Variants in ZNF728 observed in about 807,000 individuals in gnomAD.
The protein encoded by ZNF728 is zinc finger protein 728.
Under a neutral mutation model 12.5 loss-of-function variants are expected in ZNF728, and 12 were observed. The ratio of observed to expected loss-of-function variants is 0.96; its 90% CI spans 0.61 to 1.55. The LOEUF is 1.55. Ranked by LOEUF, ZNF728 falls within the 40% of genes most tolerant of loss-of-function variation. The pLI, the probability that ZNF728 is intolerant of heterozygous loss-of-function variation, is 0.00. For missense variants in ZNF728, 692 were observed against 719.2 expected (o/e 0.96, Z 0.43); for synonymous variants, 205 against 240.7 (o/e 0.85, Z 1.37).
At chr19:22,995,761 T>G (rs1969043165) in intron 1 of ZNF728, 1 of 152,260 alleles carries the variant, frequency 6.6e-6, no homozygotes, top group South Asian at 2.1e-4. Flanking sequence ...AAAAGATTTA[T>G]CTTCCATCTC....
At chr19:23,001,975 C>G (rs1435268320) in intron 1 of ZNF728, among the ~76,000 whole-genome samples, 1 of 152,118 alleles carries the variant, frequency 6.6e-6, no homozygotes, top group African/African-American at 2.4e-5. Context: ...AATTAAGTGG[C>G]TGGCAGTTAG....
Position 22,975,472 on chromosome 19 carries a change from A to G in ZNF728, c.1865T>C (p.Met622Thr), listed in dbSNP as rs1968782609. The G allele has an allele frequency of 6.5e-7, 1 of 1,542,648 alleles. No individual in the cohort carries two copies. The highest frequency in any genetic ancestry group is 8.7e-7 in the Non-Finnish European group (1 of 1,149,056). Residue 622 changes from methionine (M) to threonine (T), a missense_variant, in exon 4 of 4, where the codon ATG (methionine) becomes ACG (threonine). This residue lies in a region of ZNF728 where 244 missense variants were observed against 235.2 expected (regional missense o/e 1.04). Coordinates refer to ENST00000594710, the MANE Select transcript of ZNF728 (RefSeq NM_001267716.2). ...RIHTGGKTLQ[M>T] ...TTGAAAGCTTTGCCACATTTTTCAC[A>G]TTTGTAGGGTTTTTCCTCCAGTATG...
rs749351586 is a variant in ZNF728, at chr19:22,975,879, G to C, written c.1458C>G (p.Gly486=). The part of the protein sequence containing the change: ...GEKLYKCEEC[G]KAFKWSSNLM... ...GGTTTGAGGACCACTTAAAGGCTTT[G>C]CCACATTCTTCACATTTGTAGAGTT... The change falls in exon 4 of 4, where the codon GGC becomes GGG. Residue 486 remains glycine, a synonymous_variant. Transcript: ENST00000594710. The C allele has an allele frequency of 4.0e-5, 64 of 1,611,852 alleles. 1 individual carries two copies. In the South Asian group the frequency reaches 6.8e-4, roughly 17 times the overall value.
Position 22,976,678 on chromosome 19 carries a change from C to G in ZNF728, c.659G>C (p.Arg220Thr), listed in dbSNP as rs144353074. ...GCAGGGTTTCTCTCCAGTATGAATT[C>G]TCTTATAAGTAAGGGCTGAGGACCA... ...FNWSSALTYKRIHTGEKPCKC... is the reference protein window; with the variant it reads ...FNWSSALTYKTIHTGEKPCKC... Residue 220 changes from arginine to threonine, a missense_variant, in exon 4 of 4, where the codon AGA becomes ACA. Transcript: ENST00000594710. 10 of 1,613,088 alleles carry G rather than the reference C, an allele frequency of 6.2e-6. No homozygotes were observed. Among genetic ancestry groups the G allele is most frequent in the African/African-American group, 2.7e-5 (2 of 75,052 alleles).
chr19:23,002,958 C>T, intron 1 of ZNF728, 70 bp downstream of exon 1: 1 of 1,582,782 alleles, frequency 6.3e-7, no homozygotes, highest in Non-Finnish European at 8.6e-7. Context: ...TGAGTCCCGC[C>T]ACAGCCACTT....
intron 3 of ZNF728, among the ~76,000 whole-genome samples, chr19:22,984,769 T>C (rs1968897600): frequency 6.6e-6 from 1 of 151,820 alleles, no homozygotes; most frequent in Admixed American, 6.6e-5. Flanking sequence ...TTTGAAGAAA[T>C]AGAAACAGTA....
At chr19:22,998,008 T>C (rs1969067125) in intron 1 of ZNF728, among the ~76,000 whole-genome samples, 1 of 151,958 alleles carries the variant, frequency 6.6e-6, no homozygotes, top group Admixed American at 6.5e-5. Context: ...CGGCCATTAT[T>C]ATAATTCAAC....
At chr19:22,998,524 T>A (rs1969073888) in intron 1 of ZNF728, among the ~76,000 whole-genome samples, 1 of 152,160 alleles carries the variant, frequency 6.6e-6, no homozygotes, top group African/African-American at 2.4e-5. Context: ...TCACTGCAGA[T>A]GCCAGTCACA....
At chr19:23,002,171 G>A (rs1179589374) in intron 1 of ZNF728, among the ~76,000 whole-genome samples, 2 of 152,108 alleles carry the variant, frequency 1.3e-5, no homozygotes, top group Non-Finnish European at 2.9e-5. Context: ...CAAAGTTAAC[G>A]GGGCGTGGTG....
rs1968786568 is a variant in ZNF728 at position 22,975,682 on chromosome 19, C to CT, written c.1654dup (p.Ser552LysfsTer2). ...TCCAGTATGAATTCTCTTATGTTCACTAAGTCTTGAGGACCAGATGAAGGC... is the reference window on the plus strand; with the variant it reads ...TCCAGTATGAATTCTCTTATGTTCACTTAAGTCTTGAGGACCAGATGAAGGC... On this transcript the variant is annotated frameshift_variant, in exon 4 of 4. Coordinates refer to ENST00000594710, the MANE Select transcript of ZNF728 (RefSeq NM_001267716.2). LOFTEE classifies it low-confidence loss of function (END_TRUNC). 1 of 1,590,122 alleles carries CT rather than the reference C, an allele frequency of 6.3e-7. No homozygotes were observed. Among genetic ancestry groups the CT allele is most frequent in the Non-Finnish European group, 8.5e-7 (1 of 1,169,678 alleles).
chr19:22,985,511 A>G (rs1301064222), intron 3 of ZNF728: 2 of 152,204 alleles, frequency 1.3e-5, no homozygotes, highest in Non-Finnish European at 2.9e-5. Context: ...GCAATTGTGA[A>G]ACTTTGCTAA....
Position 22,988,563 on chromosome 19 carries a change from G to A in ZNF728, c.4-112C>T, listed in dbSNP as rs180813711. On this transcript the variant is annotated intron_variant, in intron 1 of 3. Transcript: ENST00000594710. ...AAAGAGCTCATTCTGACTTACAGGA[G>A]TGACTGAAATCATTCAATAAAATAG... is the stretch of plus-strand genomic sequence containing the variant. The A allele has an allele frequency of 6.1e-5, 88 of 1,451,534 alleles. No individual in the cohort carries two copies. The East Asian group carries it at 1.8e-3, about 30-fold the overall frequency. 89.9% of individuals were successfully genotyped at this position (1,451,534 alleles called of 1,614,324 possible). A position where few individuals can be genotyped will look rare whatever the true frequency, so the allele number is the denominator to read the frequency against.
chr19:23,001,914 A>G (rs1010165609), intron 1 of ZNF728, among the ~76,000 whole-genome samples: 36 of 152,152 alleles, frequency 2.4e-4, no homozygotes, highest in Non-Finnish European at 1.0e-4. Context: ...CCTACTTGGG[A>G]CACATGTGAA....
intron 3 of ZNF728, among the ~76,000 whole-genome samples, chr19:22,980,167 T>A (rs1460631846): frequency 5.9e-5 from 7 of 119,544 alleles, no homozygotes; most frequent in African/African-American, 2.3e-4. Context: ...GAGGAATAGT[T>A]ACCAAGCAAA....
chr19:22,978,935 A>C (rs1409746669), intron 3 of ZNF728, among the ~76,000 whole-genome samples: 1 of 152,182 alleles, frequency 6.6e-6, no homozygotes, highest in Non-Finnish European at 1.5e-5. Flanking sequence ...AATTCCAAAA[A>C]CCAGAATGCC....
At chr19:22,996,767 ATAATC>A (rs1969054762) in intron 1 of ZNF728, among the ~76,000 whole-genome samples, 4 of 144,504 alleles carry the variant, frequency 2.8e-5, no homozygotes, top group Admixed American at 2.7e-4. Context: ...ATATATACAT[ATAATC>A]TAAACTTTTT....
At chr19:22,991,815 A>C (rs1435814698) in intron 1 of ZNF728, among the ~76,000 whole-genome samples, 1 of 152,174 alleles carries the variant, frequency 6.6e-6, no homozygotes, top group Non-Finnish European at 1.5e-5. Context: ...CGTACAGCCA[A>C]TGTACAATTC....
chr19:22,992,145 C>T (rs1430174875), intron 1 of ZNF728, among the ~76,000 whole-genome samples: 4 of 152,066 alleles, frequency 2.6e-5, no homozygotes, highest in Non-Finnish European at 5.9e-5. Flanking sequence ...TTTATTGTAC[C>T]CACCATATGA....
intron 1 of ZNF728, among the ~76,000 whole-genome samples, chr19:23,000,890 A>AAAAAAAACC (rs1969105881): frequency 2.5e-5 from 2 of 81,464 alleles, no homozygotes; most frequent in African/African-American, 8.5e-5. Context: ...AAAAAACCAA[A>AAAAAAAACC]AAAAAAAAAA....
Sources: allele counts gnomAD v4.1 joint callset (sites outside exome capture counted in the v4.1 genomes callset), GRCh38; gene constraint gnomAD v4.1.1; regional missense constraint gnomAD v4.1.1; transcripts MANE v1.5; gene names NCBI Gene and HGNC (gene_info 2026-07-23, HGNC 2026-07-21).